The following ZNF530 variants were observed in gnomAD, a reference collection of about 807,000 sequenced individuals.
ZNF530 encodes zinc finger protein 530.
ZNF530 carries 5 observed loss-of-function variants against 2.8 expected under a neutral mutation model. The ratio of observed to expected loss-of-function variants is 1.80; its 90% CI spans 0.94 to 3.78. The LOEUF is 3.78. Among genes scored for constraint, ZNF530 ranks in the 30% most tolerant of loss-of-function variants. ZNF530 has a pLI of 0.00. For missense variants in ZNF530, 619 were observed against 673.3 expected, an observed-to-expected ratio of 0.92 and a Z score of 0.89; for synonymous variants, 229 against 235.0, an observed-to-expected ratio of 0.97 and a Z score of 0.23.
intron 1 of ZNF530, among the ~76,000 whole-genome samples, 151 bp from the exon 2 acceptor site, chr19:57,600,577 A>G (rs1980186078): frequency 6.6e-6 from 1 of 152,220 alleles, no homozygotes; most frequent in Non-Finnish European, 1.5e-5. Flanking sequence ...TTACGAGGTC[A>G]CAAAGCTGGT....
rs528745145 is a variant in ZNF530 at position 57,606,487 on chromosome 19, G to T, written c.863G>T (p.Arg288Met). Residue 288 changes from arginine to methionine, a missense_variant, in exon 4 of 4, where the codon AGG (arginine) becomes ATG (methionine). By Grantham distance (91) the Arg-to-Met change is moderately conservative. Coordinates refer to ENST00000597700, the MANE Select transcript of ZNF530 (RefSeq NM_001321981.2). ...CATCAACGAGTTCACACTGGAGAAA[G>T]GCCTTATGAGTGCAGTGAATGTGGG... ...IQHQRVHTGE[R>M]PYECSECGKS... The T allele has an allele frequency of 6.2e-7, 1 of 1,614,158 alleles. No individual in the cohort carries two copies. The highest frequency in any genetic ancestry group is 1.7e-5 in the Admixed American group (1 of 60,008).
In ZNF530 at chr19:57,600,134, G is replaced by A. The variant is rs762764683; in HGVS notation, c.-122G>A. The A allele has an allele frequency of 2.5e-6, 4 of 1,570,838 alleles. No homozygotes were observed. In the South Asian group the frequency reaches 3.5e-5, roughly 14 times the overall value. On this transcript the variant is annotated splice_region_variant and 5_prime_UTR_variant, in exon 1 of 4. Transcript: ENST00000597700. ...CGGCGGCACTGAGGGCCCCGACCCA[G>A]GTGAGCGCTGCGTCCTCCCGGCCTC... is the stretch of plus-strand genomic sequence containing the variant.
At chr19:57,602,580 C>T (rs963842126) in intron 2 of ZNF530, among the ~76,000 whole-genome samples, 1 of 152,112 alleles carries the variant, frequency 6.6e-6, no homozygotes, top group African/African-American at 2.4e-5. Flanking sequence ...TTGTGGAAAT[C>T]ACAAATACAG....
At position 57,609,204 on chromosome 19, in the gene ZNF530, G is replaced by T. The variant is rs190060784; in HGVS notation, c.*1879G>T. Among the ~76,000 whole-genome samples the T allele has an allele frequency of 8.6e-5, 13 of 151,740 alleles. No homozygotes were observed. The East Asian group carries it at 2.1e-3, about 25-fold the overall frequency. On this transcript the variant is annotated 3_prime_UTR_variant, in exon 4 of 4. Transcript: ENST00000597700. Reference sequence around the variant, plus strand: ...AAATTAACCAGGTGCAGTGGTGCACGTCTATAATCCCAGCTGCTCTGAAGG... The same window carrying T: ...AAATTAACCAGGTGCAGTGGTGCACTTCTATAATCCCAGCTGCTCTGAAGG...
rs1980750258 is a variant in ZNF530, at chr19:57,609,124, A to G, written c.*1799A>G. On this transcript the variant is annotated 3_prime_UTR_variant, in exon 4 of 4. Transcript: ENST00000597700. The stretch of plus-strand genomic sequence containing the variant: ...GGCGTGCAGATCACTTGAGGTCAGG[A>G]GTCAGAGACCAGACTGGCCAACATG... The G allele has an allele frequency of 6.6e-6, 1 of 152,200 alleles. No homozygotes were observed. Among genetic ancestry groups the G allele is most frequent in the Admixed American group, 6.5e-5 (1 of 15,280 alleles). 9.4% of individuals were successfully genotyped at this position (152,200 alleles called of 1,614,324 possible). A position where few individuals can be genotyped will look rare whatever the true frequency, so the allele number is the denominator to read the frequency against.
At chr19:57,604,159 T>G in intron 2 of ZNF530, 118 bp from the exon 3 acceptor site, 1 of 1,429,512 alleles carries the variant, frequency 7.0e-7, no homozygotes, top group Non-Finnish European at 9.7e-7. Flanking sequence ...TCAGGGCCTG[T>G]TGTATTCGCT....
chr19:57,604,484 C>G (rs1175150834), intron 3 of ZNF530, 78 bp downstream of exon 3: 2 of 1,540,862 alleles, frequency 1.3e-6, no homozygotes, highest in East Asian at 4.5e-5. Context: ...TCTGTCCTTT[C>G]TTCAGTTAGA....
At chr19:57,604,636 A>G (rs566376967) in intron 3 of ZNF530, 9 of 420,010 alleles carry the variant, frequency 2.1e-5, no homozygotes, top group Middle Eastern at 4.7e-4. Context: ...CTTTCTTTCA[A>G]CCTAAAGGAT....
intron 1 of ZNF530, 67 bp from the exon 2 acceptor site, chr19:57,600,661 T>C (rs1427637905): frequency 1.3e-5 from 2 of 153,370 alleles, no homozygotes; most frequent in African/African-American, 2.4e-5. Flanking sequence ...GTGTTCCACA[T>C]TGGAACCAGA....
chr19:57,604,450 CT>C (rs1449950481), intron 3 of ZNF530, 44 bp downstream of exon 3: 1 of 1,591,174 alleles, frequency 6.3e-7, no homozygotes, highest in Non-Finnish European at 8.6e-7. Context: ...TGGGTCTCTC[CT>C]TTTCCCCTGT....
intron 2 of ZNF530, among the ~76,000 whole-genome samples, chr19:57,603,613 T>C (rs1229023522): frequency 1.3e-5 from 2 of 152,216 alleles, no homozygotes; most frequent in African/African-American, 2.4e-5. Flanking sequence ...AGTTACTGTT[T>C]AGTGCAGTAC....
intron 1 of ZNF530, 34 bp downstream of exon 1, chr19:57,600,168 TC>T: frequency 1.9e-6 from 3 of 1,553,308 alleles, no homozygotes; most frequent in South Asian, 1.2e-5. Context: ...TCCTCTGCCC[TC>T]CCCACCCGAA....
rs371280063 is a variant in ZNF530, at chr19:57,605,819, A to C, written c.195A>C (p.Pro65=). ...GTCACCCCTGTGAGATTTGTACCCC[A>C]GTCCTGAGAGACATTTTACAAATGA... ...DKSHPCEICT[P]VLRDILQMIE... The change falls in exon 4 of 4, where the codon CCA becomes CCC. Residue 65 remains proline (P), a synonymous_variant. Coordinates refer to ENST00000597700, the MANE Select transcript of ZNF530 (RefSeq NM_001321981.2). 258 of 1,614,100 alleles carry C rather than the reference A, an allele frequency of 1.6e-4. 1 individual carries two copies. The highest frequency in any genetic ancestry group is 2.5e-4 in the Admixed American group (15 of 60,012).
In ZNF530 at chr19:57,606,729, A is replaced by T. The variant is rs1412348581; in HGVS notation, c.1105A>T (p.Thr369Ser). The T allele has an allele frequency of 6.2e-7, 1 of 1,613,984 alleles. No individual in the cohort carries two copies. Among genetic ancestry groups the T allele is most frequent in the Admixed American group, 1.7e-5 (1 of 60,020 alleles). Residue 369 changes from threonine to serine, a missense_variant, in exon 4 of 4, where the codon ACT becomes TCT. Thr to Ser is a moderately conservative substitution (Grantham distance 58). Transcript: ENST00000597700. Reference sequence around the variant, plus strand: ...CCTTATTCACCACCAAAGATTTCACACTGGAGAAAGACCTTATGTGTGCAG... The same window carrying T: ...CCTTATTCACCACCAAAGATTTCACTCTGGAGAAAGACCTTATGTGTGCAG... ...IYLIHHQRFH[T>S]GERPYVCSEC... is the part of the protein sequence containing the mutation.
At chr19:57,602,548 T>C (rs1249893137) in intron 2 of ZNF530, among the ~76,000 whole-genome samples, 1 of 152,126 alleles carries the variant, frequency 6.6e-6, no homozygotes, top group African/African-American at 2.4e-5. Flanking sequence ...GAGGGTACCA[T>C]ACTTGGGTAT....
chr19:57,605,852 C>T lies in ZNF530; in HGVS notation c.228C>T (p.Leu76=). 6.2e-7 allele frequency: 1 copy of T among 1,614,178 alleles called. No individual in the cohort carries two copies. The highest frequency in any genetic ancestry group is 1.6e-4 in the Middle Eastern group (1 of 6,062). ...GAGACATTTTACAAATGATTGAGCTCCATGCCTCACCCTGTGGACAGAAAT... is the reference window on the plus strand; with the variant it reads ...GAGACATTTTACAAATGATTGAGCTTCATGCCTCACCCTGTGGACAGAAAT... The part of the protein sequence containing the change: ...VLRDILQMIE[L]HASPCGQKLY... The change falls in exon 4 of 4, where the codon CTC becomes CTT. Residue 76 remains leucine, a synonymous_variant. Coordinates refer to ENST00000597700, the MANE Select transcript of ZNF530 (RefSeq NM_001321981.2).
In ZNF530 at chr19:57,609,486, A is replaced by T. The variant is rs1980777249; in HGVS notation, c.*2161A>T. The stretch of plus-strand genomic sequence containing the variant: ...CTAAAAGTACAAAAATTGTAAAAGT[A>T]AAAAGTAAAAGTAAAAGCTGGGTGT... On this transcript the variant is annotated 3_prime_UTR_variant, in exon 4 of 4. Transcript: ENST00000597700. Among the ~76,000 whole-genome samples, 1 of 152,206 alleles carries T rather than the reference A, an allele frequency of 6.6e-6. No homozygotes were observed. Among genetic ancestry groups the T allele is most frequent in the African/African-American group, 2.4e-5 (1 of 41,456 alleles).
In ZNF530 at chr19:57,608,561, A is replaced by T. The variant is rs970853534; in HGVS notation, c.*1236A>T. Reference sequence around the variant, plus strand: ...GCAACTTCCATTGTTTCTGGAGACAACACAAAGTTTTTCTTGTTGAGTGAG... The same window carrying T: ...GCAACTTCCATTGTTTCTGGAGACATCACAAAGTTTTTCTTGTTGAGTGAG... On this transcript the variant is annotated 3_prime_UTR_variant, in exon 4 of 4. Transcript: ENST00000597700. The T allele has an allele frequency of 6.6e-6, 1 of 152,158 alleles. No homozygotes were observed. Among genetic ancestry groups the T allele is most frequent in the Non-Finnish European group, 1.5e-5 (1 of 68,034 alleles). 9.4% of individuals were successfully genotyped at this position (152,158 alleles called of 1,614,324 possible).
At chr19:57,603,323 A>G (rs1980338556) in intron 2 of ZNF530, among the ~76,000 whole-genome samples, 1 of 152,232 alleles carries the variant, frequency 6.6e-6, no homozygotes, top group African/African-American at 2.4e-5. Context: ...ACAATTCAAG[A>G]TGAGATTTGG....
Sources: allele counts gnomAD v4.1 joint callset (sites outside exome capture counted in the v4.1 genomes callset), GRCh38; gene constraint gnomAD v4.1.1; transcripts MANE v1.5; gene names NCBI Gene and HGNC (gene_info 2026-07-23, HGNC 2026-07-21).